The following ZFHX3 variants were observed in gnomAD, a reference collection of about 807,000 sequenced individuals.
The protein encoded by ZFHX3 is zinc finger homeobox 3, also known as zinc finger homeobox protein 3.
ZFHX3 carries 42 observed loss-of-function variants against 279.1 expected under a neutral mutation model. That is an observed-to-expected ratio of 0.15 (90% confidence interval 0.12 to 0.19). ZFHX3 has a LOEUF of 0.19. Ranked by LOEUF, ZFHX3 falls within the 10% of genes least tolerant of loss-of-function variation. The pLI is 1.00. For missense variants in ZFHX3, 4,981 were observed against 4,754.0 expected, an observed-to-expected ratio of 1.05 and a Z score of -1.40; for synonymous variants, 2,293 against 1,957.8, an observed-to-expected ratio of 1.17 and a Z score of -4.52.
chr16:73,447,786 A>G (rs1419975936), intron 3 of ZFHX3, among the ~76,000 whole-genome samples: 1 of 152,226 alleles, frequency 6.6e-6, no homozygotes, highest in East Asian at 1.9e-4. Context: ...ACGGAGCTCT[A>G]CATATTAAGC....
Position 72,847,553 on chromosome 16 carries a change from G to A in ZFHX3, c.3449-17694C>T, listed in dbSNP as rs532109469. Among the ~76,000 whole-genome samples the A allele has an allele frequency of 1.6e-4, 25 of 152,008 alleles. No individual in the cohort carries two copies. In the South Asian group the frequency reaches 5.2e-3, roughly 32 times the overall value. ...AAGAAGTGAGCCCGGAGCACCCCCA[G>A]GGCAGCTGATCCACACACAGCTTCC... On this transcript the variant is annotated intron_variant, in intron 4 of 9. Transcript: ENST00000268489.
At chr16:73,571,947 A>C (rs893497046) in intron 2 of ZFHX3, among the ~76,000 whole-genome samples, 11 of 152,156 alleles carry the variant, frequency 7.2e-5, no homozygotes, top group Admixed American at 2.6e-4. Flanking sequence ...TAAATCAGTG[A>C]AAAGGACTAA....
chr16:73,110,161 G>C (rs1390035508), intron 7 of ZFHX3, among the ~76,000 whole-genome samples: 1 of 150,348 alleles, frequency 6.7e-6, no homozygotes, highest in Non-Finnish European at 1.5e-5. Context: ...CTGAGATTGC[G>C]CCACTGCACT....
intron 2 of ZFHX3, among the ~76,000 whole-genome samples, chr16:73,553,482 G>A (rs1053942968): frequency 2.0e-5 from 3 of 152,174 alleles, no homozygotes; most frequent in African/African-American, 7.2e-5. Flanking sequence ...TAAAAGGTGA[G>A]CAGAGTCCAG....
intron 1 of ZFHX3, among the ~76,000 whole-genome samples, chr16:73,688,721 A>G (rs536841216): frequency 6.6e-6 from 1 of 152,282 alleles, no homozygotes; most frequent in Admixed American, 6.5e-5. Context: ...CCCAAATCTC[A>G]TCTTGAATTG....
intron 5 of ZFHX3, among the ~76,000 whole-genome samples, chr16:73,221,862 T>G (rs1355245133): frequency 2.0e-5 from 3 of 152,318 alleles, no homozygotes; most frequent in Non-Finnish European, 1.5e-5. Flanking sequence ...ATCAATATAT[T>G]GTATATACTT....
chr16:73,745,268 A>G (rs1259078470), intron 1 of ZFHX3, among the ~76,000 whole-genome samples: 1 of 152,178 alleles, frequency 6.6e-6, no homozygotes, highest in Non-Finnish European at 1.5e-5. Context: ...GTTGTTTCAT[A>G]ATATGTTGAC....
At position 72,788,023 on chromosome 16, in the gene ZFHX3, G is replaced by C. The variant is rs2143292140; in HGVS notation, c.10253C>G (p.Ser3418Cys). The stretch of plus-strand genomic sequence containing the variant: ...GTTTTTCTGTTCTTCTGGTTTGGGG[G>C]ATTCTTTGGCAGGGTCTTTGTCTGG... Reference protein sequence around the residue: ...PSPDKDPAKESPKPEEQKNTP... With the variant: ...PSPDKDPAKECPKPEEQKNTP... Residue 3418 changes from serine (S) to cysteine (C), a missense_variant, in exon 10 of 10, where the codon TCC (serine) becomes TGC (cysteine). Coordinates refer to ENST00000268489, the MANE Select transcript of ZFHX3 (RefSeq NM_006885.4). 3 of 1,613,084 alleles carry C rather than the reference G, an allele frequency of 1.9e-6. No homozygotes were observed. The highest frequency in any genetic ancestry group is 2.7e-5 in the African/African-American group (2 of 74,968).
Position 72,788,804 on chromosome 16 carries a change from T to G in ZFHX3, c.9472A>C (p.Thr3158Pro). The G allele has an allele frequency of 6.5e-7, 1 of 1,541,852 alleles. No homozygotes were observed. The highest frequency in any genetic ancestry group is 8.7e-7 in the Non-Finnish European group (1 of 1,147,578). ...KPNLMGLPSTTVPSPGLPTSG... is the reference protein window; with the variant it reads ...KPNLMGLPSTPVPSPGLPTSG... ...GTGGGGAGGCCAGGGGAAGGAACAGTTGTGCTGGGCAGACCCATCAAGTTC... is the reference window on the plus strand; with the variant it reads ...GTGGGGAGGCCAGGGGAAGGAACAGGTGTGCTGGGCAGACCCATCAAGTTC... The change falls in exon 10 of 10, where the codon ACT becomes CCT. Residue 3158 changes from threonine to proline, a missense_variant. Transcript: ENST00000268489.
chr16:73,044,064 G>A (rs1234826142), intron 1 of ZFHX3, among the ~76,000 whole-genome samples: 7 of 152,226 alleles, frequency 4.6e-5, no homozygotes, highest in East Asian at 3.9e-4. Context: ...CAGAACAGGC[G>A]CCCTTTATGA....
At chr16:73,600,236 G>A (rs2143859702) in intron 2 of ZFHX3, among the ~76,000 whole-genome samples, 2 of 152,254 alleles carry the variant, frequency 1.3e-5, no homozygotes, top group Middle Eastern at 6.8e-3. Flanking sequence ...TTCTAAAGAA[G>A]CAGCATCATC....
rs755378475 is a variant in ZFHX3 at position 73,512,146 on chromosome 16, T to TTGGCC, written c.-1546-55893_-1546-55889dup. ...AATGTGAGTCTTCCATAAGAATGGATTGGCCTGGCCTGGTGGCTCATGCCT... is the reference window on the plus strand; with the variant it reads ...AATGTGAGTCTTCCATAAGAATGGATTGGCCTGGCCTGGCCTGGTGGCTCATGCCT... On this transcript the variant is annotated intron_variant, in intron 2 of 17. Coordinates refer to the ZFHX3 transcript ENST00000641206. Among the ~76,000 whole-genome samples the TTGGCC allele has an allele frequency of 6.6e-5, 10 of 151,990 alleles. No individual in the cohort carries two copies. In the South Asian group the frequency reaches 8.3e-4, roughly 13 times the overall value.
At chr16:73,879,769 CTGT>C (rs2030081785) in intron 1 of ZFHX3, among the ~76,000 whole-genome samples, 1 of 152,076 alleles carries the variant, frequency 6.6e-6, no homozygotes, top group Non-Finnish European at 1.5e-5. Flanking sequence ...CAGATAATTA[CTGT>C]AGGATGGTGA....
At position 73,425,121 on chromosome 16, in the gene ZFHX3, G is replaced by A. The variant is rs111642682; in HGVS notation, c.-1291+30882C>T. Among the ~76,000 whole-genome samples the A allele has an allele frequency of 5.5e-3, 836 of 152,302 alleles. 4 individuals are homozygous for A. The highest frequency in any genetic ancestry group is 0.019 in the African/African-American group (790 of 41,546). ...CTAATATAGTGCTTTCCAATGGAAT[G>A]ATCAGCAAGTACTTCTTGAGCAAAT... is the stretch of plus-strand genomic sequence containing the variant. On this transcript the variant is annotated intron_variant, in intron 3 of 17. Transcript: ENST00000641206.
chr16:73,476,608 T>C (rs528648451), intron 2 of ZFHX3, among the ~76,000 whole-genome samples: 1 of 152,194 alleles, frequency 6.6e-6, no homozygotes, highest in Non-Finnish European at 1.5e-5. Context: ...TTGCAGCAAG[T>C]GGGAGGAAGC....
intron 1 of ZFHX3, among the ~76,000 whole-genome samples, chr16:73,843,835 A>G (rs182905396): frequency 2.4e-4 from 37 of 152,356 alleles, no homozygotes; most frequent in Non-Finnish European, 4.7e-4. Flanking sequence ...CTGTCGTATG[A>G]CAACAGCCAC....
At chr16:72,897,650 AG>A (rs2038932358) in intron 3 of ZFHX3, among the ~76,000 whole-genome samples, 1 of 152,148 alleles carries the variant, frequency 6.6e-6, no homozygotes, top group Non-Finnish European at 1.5e-5. Flanking sequence ...CAATTTGCCC[AG>A]GCTGGTCTCA....
chr16:73,093,594 G>A (rs780162051), exon 8 of ZFHX3: 8 of 511,254 alleles, frequency 1.6e-5, no homozygotes, highest in Non-Finnish European at 2.3e-5. Flanking sequence ...CTAACCGGTC[G>A]TCTCCTGCAA....
At chr16:72,935,175 C>T (rs76925804) in intron 3 of ZFHX3, among the ~76,000 whole-genome samples, 10,338 of 152,260 alleles carry the variant, frequency 0.068, 365 homozygotes, top group South Asian at 0.11. Flanking sequence ...AGGACGTTAT[C>T]CTGCGCATAG....
Sources: allele counts gnomAD v4.1 joint callset (sites outside exome capture counted in the v4.1 genomes callset), GRCh38; gene constraint gnomAD v4.1.1; transcripts MANE v1.5; gene names NCBI Gene and HGNC (gene_info 2026-07-23, HGNC 2026-07-21).